Variants in HMOX2 observed in about 807,000 individuals in gnomAD.
The protein encoded by HMOX2 is heme oxygenase 2.
In HMOX2, 30 loss-of-function variants were observed where a neutral mutation model predicts 33.7. The observed-to-expected ratio is 0.89, with a 90% CI of 0.67 to 1.21. HMOX2 has a LOEUF of 1.21. Among genes scored for constraint, HMOX2 ranks in the 50% most tolerant of loss-of-function variants. The pLI is 0.00. For synonymous variants in HMOX2, 155 were observed against 155.0 expected (o/e 1.00, Z 0.00); for missense variants, 403 against 399.1 (o/e 1.01, Z -0.08).
At chr16:4,486,150 CT>C (rs1188798858) in intron 1 of HMOX2, among the ~76,000 whole-genome samples, 1 of 152,218 alleles carries the variant, frequency 6.6e-6, no homozygotes, top group Non-Finnish European at 1.5e-5. Context: ...TTCTTCCCAT[CT>C]TCAAAAGTAC....
At chr16:4,496,424 T>G (rs988734123) in intron 1 of HMOX2, 1 of 152,150 alleles carries the variant, frequency 6.6e-6, no homozygotes, top group Non-Finnish European at 1.5e-5. Flanking sequence ...ATGCCTGGCC[T>G]CTTGCTCACT....
chr16:4,506,187 A>C (rs912530527), intron 2 of HMOX2, among the ~76,000 whole-genome samples: 3 of 152,330 alleles, frequency 2.0e-5, no homozygotes, highest in African/African-American at 7.2e-5. Flanking sequence ...GATAAGGCCA[A>C]ATTTTTCTCA....
chr16:4,489,058 A>ATG (rs2058244332), intron 1 of HMOX2, among the ~76,000 whole-genome samples: 1 of 151,852 alleles, frequency 6.6e-6, no homozygotes, highest in Non-Finnish European at 1.5e-5. Context: ...ACATTTCTTT[A>ATG]TATAAGGAGG....
Position 4,507,779 on chromosome 16 carries a change from C to T in HMOX2, c.271C>T (p.His91Tyr). The T allele has an allele frequency of 2.5e-6, 4 of 1,614,174 alleles. No homozygotes were observed. Among genetic ancestry groups the T allele is most frequent in the Non-Finnish European group, 3.4e-6 (4 of 1,180,024 alleles). The change falls in exon 4 of 6, where the codon CAT (histidine) becomes TAT (tyrosine). Residue 91 changes from histidine (H) to tyrosine (Y), a missense_variant. Physicochemically the swap from His to Tyr is moderately conservative, Grantham distance 83. Coordinates refer to ENST00000570646, the MANE Select transcript of HMOX2 (RefSeq NM_002134.4). ...GGAGGAAATGGAGCGCAACAAGGAC[C>T]ATCCAGCCTTTGCCCCTTTGTACTT... ...LEEEMERNKD[H>Y]PAFAPLYFPM...
chr16:4,478,561 A>G (rs981129393), intron 1 of HMOX2, among the ~76,000 whole-genome samples: 6 of 149,488 alleles, frequency 4.0e-5, no homozygotes, highest in African/African-American at 1.5e-4. Flanking sequence ...GACCAGCCTG[A>G]CCAACATGGA....
At chr16:4,482,996 C>T (rs1329263093) in intron 1 of HMOX2, among the ~76,000 whole-genome samples, 1 of 151,994 alleles carries the variant, frequency 6.6e-6, no homozygotes, top group African/African-American at 2.4e-5. Context: ...CGCCACCGCA[C>T]TCCATCCAGC....
intron 1 of HMOX2, among the ~76,000 whole-genome samples, chr16:4,503,804 C>CA (rs1339410989): frequency 6.6e-6 from 1 of 152,172 alleles, no homozygotes; most frequent in Admixed American, 6.5e-5. Context: ...TGCCTTGGGC[C>CA]TTTTAAGGAC....
At chr16:4,486,095 G>T (rs1040194186) in intron 1 of HMOX2, among the ~76,000 whole-genome samples, 4 of 152,292 alleles carry the variant, frequency 2.6e-5, no homozygotes, top group African/African-American at 9.6e-5. Context: ...TTCTGAAAGG[G>T]ATTTGCAACC....
intron 1 of HMOX2, among the ~76,000 whole-genome samples, chr16:4,477,642 G>T (rs762338417): frequency 2.0e-5 from 3 of 151,896 alleles, no homozygotes; most frequent in Non-Finnish European, 4.4e-5. Context: ...AACGCTGGCC[G>T]GTGCAGTGGC....
chr16:4,499,425 A>G (rs1434101388), intron 1 of HMOX2, among the ~76,000 whole-genome samples: 1 of 152,240 alleles, frequency 6.6e-6, no homozygotes, highest in Admixed American at 6.5e-5. Flanking sequence ...CAAATGGTGC[A>G]TGATATCACT....
chr16:4,506,713 G>C (rs929695965), intron 2 of HMOX2, among the ~76,000 whole-genome samples, 182 bp from the exon 3 acceptor site: 2 of 152,176 alleles, frequency 1.3e-5, no homozygotes, highest in African/African-American at 4.8e-5. Flanking sequence ...TGTCATGTCT[G>C]CTTGTCCTGT....
rs933514887 is a variant in HMOX2 at position 4,510,076 on chromosome 16, T to C, written c.*320T>C. 5.8e-5 allele frequency: 21 copies of C among 361,234 alleles called. No individual in the cohort carries two copies. In the East Asian group the frequency reaches 1.0e-3, roughly 17 times the overall value. The allele number at this position is 361,234 out of a possible 1,614,324, so 22.4% of individuals were successfully genotyped here. The stretch of plus-strand genomic sequence containing the variant: ...CGGTAGTCCCTGTTTTTGCAGTACA[T>C]GGGTGACTATCTCCCCTGTTGGAGG... On this transcript the variant is annotated 3_prime_UTR_variant, in exon 6 of 6. Coordinates refer to ENST00000570646, the MANE Select transcript of HMOX2 (RefSeq NM_002134.4).
At chr16:4,478,318 A>G (rs1332528844) in intron 1 of HMOX2, among the ~76,000 whole-genome samples, 1 of 152,232 alleles carries the variant, frequency 6.6e-6, no homozygotes, top group Non-Finnish European at 1.5e-5. Context: ...GAAAACTTGT[A>G]AAATTGGACA....
chr16:4,489,960 A>C (rs2058266131), intron 1 of HMOX2, among the ~76,000 whole-genome samples: 1 of 152,206 alleles, frequency 6.6e-6, no homozygotes, highest in Non-Finnish European at 1.5e-5. Flanking sequence ...TGTCATCAGC[A>C]CTTTGAGAAT....
intron 1 of HMOX2, chr16:4,483,757 G>A (rs577041317): frequency 6.8e-6 from 1 of 147,722 alleles, no homozygotes; most frequent in Non-Finnish European, 1.5e-5. Flanking sequence ...GACTACAGGT[G>A]TGCGCCACTA....
intron 4 of HMOX2, among the ~76,000 whole-genome samples, chr16:4,508,920 C>T (rs1252755351): frequency 2.0e-5 from 3 of 152,190 alleles, no homozygotes; most frequent in African/African-American, 7.2e-5. Flanking sequence ...CCAATATCCA[C>T]ACCTCCCCAG....
intron 1 of HMOX2, among the ~76,000 whole-genome samples, chr16:4,486,539 T>C (rs1027659768): frequency 1.1e-4 from 17 of 152,064 alleles, no homozygotes; most frequent in Non-Finnish European, 2.2e-4. Context: ...AACTACATGG[T>C]TTTTTGGAAG....
At chr16:4,485,404 A>T (rs1252343963) in intron 1 of HMOX2, among the ~76,000 whole-genome samples, 1 of 152,226 alleles carries the variant, frequency 6.6e-6, no homozygotes, top group Non-Finnish European at 1.5e-5. Flanking sequence ...ATACAACAAC[A>T]AACCAAGCAT....
chr16:4,475,680 G>C (rs1293729957), upstream of HMOX2, among the ~76,000 whole-genome samples: 1 of 151,508 alleles, frequency 6.6e-6, no homozygotes, highest in Non-Finnish European at 1.5e-5. Context: ...GCGGTGGCCT[G>C]TAATTGCAGT....
Sources: gnomAD v4.1 joint callset for allele counts (sites outside exome capture counted in the v4.1 genomes callset) on GRCh38, gnomAD v4.1.1 for gene constraint, MANE v1.5 for transcripts, NCBI Gene and HGNC (gene_info 2026-07-23, HGNC 2026-07-21) for gene names.